EYS: variants seen among roughly 807,000 people sequenced by gnomAD.
The protein encoded by EYS is protein eyes shut homolog.
EYS carries 250 observed loss-of-function variants against 282.1 expected under a neutral mutation model. The ratio of observed to expected loss-of-function variants is 0.89; its 90% CI spans 0.80 to 0.98. The LOEUF (loss-of-function observed/expected upper bound fraction) is 0.98, where lower values mean the gene tolerates loss of function less well. Among genes scored for constraint, EYS ranks in the 50% least tolerant of loss-of-function variants. The pLI, the probability that EYS is intolerant of heterozygous loss-of-function variation, is 0.00. For synonymous variants in EYS, 1,355 were observed against 1,282.9 expected (o/e 1.06, Z -1.20); for missense variants, 4,016 against 3,709.0 (o/e 1.08, Z -2.15).
chr6:64,966,974 C>T (rs997168030), intron 14 of EYS, among the ~76,000 whole-genome samples: 7 of 152,098 alleles, frequency 4.6e-5, no homozygotes, highest in East Asian at 1.9e-4. Flanking sequence ...CTCCAGTTAG[C>T]ACATCAAAAA....
chr6:65,082,184 G>T (rs1022454168), intron 12 of EYS, among the ~76,000 whole-genome samples: 3 of 152,020 alleles, frequency 2.0e-5, no homozygotes, highest in Admixed American at 2.0e-4. Context: ...TAACATAAAT[G>T]ATCTAACCTA....
At chr6:64,959,111 TG>T (rs1440720087) in intron 14 of EYS, among the ~76,000 whole-genome samples, 1 of 152,186 alleles carries the variant, frequency 6.6e-6, no homozygotes, top group East Asian at 1.9e-4. Flanking sequence ...GTCGTAGTTG[TG>T]GTAACCATGT....
At chr6:64,267,690 T>C (rs897299534) in intron 30 of EYS, among the ~76,000 whole-genome samples, 1 of 152,164 alleles carries the variant, frequency 6.6e-6, no homozygotes, top group African/African-American at 2.4e-5. Flanking sequence ...ATAAAAACTT[T>C]AATTTCTGTT....
chr6:64,529,332 T>C (rs1439584992), intron 26 of EYS, among the ~76,000 whole-genome samples: 2 of 152,060 alleles, frequency 1.3e-5, no homozygotes, highest in Non-Finnish European at 2.9e-5. Context: ...TGTATTATGA[T>C]ATACCAATTC....
At chr6:64,741,595 A>C (rs1250084218) in intron 22 of EYS, among the ~76,000 whole-genome samples, 1 of 152,192 alleles carries the variant, frequency 6.6e-6, no homozygotes, top group Non-Finnish European at 1.5e-5. Context: ...TTTTATCTAC[A>C]TTGCAAATCT....
intron 2 of EYS, among the ~76,000 whole-genome samples, chr6:65,593,679 C>A (rs1003160231): frequency 6.6e-5 from 10 of 151,928 alleles, no homozygotes; most frequent in Admixed American, 2.6e-4. Context: ...TCTCCCATAG[C>A]AAATTCATGT....
chr6:65,405,397 A>AG, intron 5 of EYS, 30 bp from the exon 6 acceptor site: 1 of 1,546,854 alleles, frequency 6.5e-7, no homozygotes, highest in Non-Finnish European at 8.9e-7. Flanking sequence ...AGAAAAAAAA[A>AG]GAAAAGGAAG....
chr6:64,358,473 T>C (rs575286953), intron 29 of EYS, among the ~76,000 whole-genome samples: 1 of 151,742 alleles, frequency 6.6e-6, no homozygotes, highest in Admixed American at 6.6e-5. Flanking sequence ...AGTAGCTTCA[T>C]GTGGGGTCTT....
chr6:65,453,255 G>A (rs1399749429), intron 5 of EYS, among the ~76,000 whole-genome samples: 1 of 151,950 alleles, frequency 6.6e-6, no homozygotes, highest in Admixed American at 6.6e-5. Context: ...CATGTATAGA[G>A]GAGTAGGCTA....
chr6:63,974,695 C>T (rs1766749171), intron 35 of EYS, among the ~76,000 whole-genome samples: 1 of 151,966 alleles, frequency 6.6e-6, no homozygotes, highest in South Asian at 2.1e-4. Flanking sequence ...CTCTTTGAGG[C>T]TTTTCAAATT....
chr6:64,866,363 G>A (rs994663071), intron 19 of EYS, among the ~76,000 whole-genome samples: 2 of 151,864 alleles, frequency 1.3e-5, no homozygotes, highest in African/African-American at 4.8e-5. Context: ...TAGACCTTGA[G>A]ATCTGTTTCA....
At chr6:65,168,964 C>T (rs1409738007) in intron 12 of EYS, among the ~76,000 whole-genome samples, 2 of 151,228 alleles carry the variant, frequency 1.3e-5, no homozygotes, top group Non-Finnish European at 3.0e-5. Flanking sequence ...ACCATTTTAC[C>T]TTTACCATGT....
intron 29 of EYS, among the ~76,000 whole-genome samples, chr6:64,340,645 G>A (rs1386538182): frequency 6.6e-6 from 1 of 151,640 alleles, no homozygotes; most frequent in East Asian, 1.9e-4. Flanking sequence ...ATATCCTTCT[G>A]GACATCAACC....
chr6:64,915,651 G>A (rs1768137237), intron 15 of EYS, among the ~76,000 whole-genome samples: 1 of 152,094 alleles, frequency 6.6e-6, no homozygotes, highest in African/African-American at 2.4e-5. Context: ...AATACAATGT[G>A]TATCTCAGCA....
At chr6:65,451,587 T>A (rs1764400161) in intron 5 of EYS, among the ~76,000 whole-genome samples, 1 of 152,064 alleles carries the variant, frequency 6.6e-6, no homozygotes, top group Non-Finnish European at 1.5e-5. Flanking sequence ...AGATACACAG[T>A]ATTGTCACAT....
chr6:65,165,882 G>A (rs1421436879), intron 12 of EYS, among the ~76,000 whole-genome samples: 1 of 150,914 alleles, frequency 6.6e-6, no homozygotes, highest in Non-Finnish European at 1.5e-5. Flanking sequence ...GGGTTTAGCA[G>A]GTTCACAGGA....
At chr6:64,584,215 TA>T (rs1490680665) in intron 26 of EYS, among the ~76,000 whole-genome samples, 1 of 151,886 alleles carries the variant, frequency 6.6e-6, no homozygotes, top group African/African-American at 2.4e-5. Flanking sequence ...AAGTAAATAT[TA>T]AAAACAACAT....
intron 36 of EYS, chr6:63,822,215 A>T (rs182096256): frequency 6.6e-6 from 1 of 152,248 alleles, no homozygotes; most frequent in African/African-American, 2.4e-5. Flanking sequence ...TCGAGTTCAA[A>T]TGATTCTCCT....
intron 31 of EYS, among the ~76,000 whole-genome samples, chr6:64,122,795 C>A (rs1773633855): frequency 6.6e-6 from 1 of 152,100 alleles, no homozygotes; most frequent in East Asian, 1.9e-4. Flanking sequence ...AATATAGTTG[C>A]ATTATTGGGA....
Sources: gnomAD v4.1 joint callset for allele counts (sites outside exome capture counted in the v4.1 genomes callset) on GRCh38, gnomAD v4.1.1 for gene constraint, MANE v1.5 for transcripts, NCBI Gene and HGNC (gene_info 2026-07-23, HGNC 2026-07-21) for gene names.